Variants in PPP2R1B observed in about 807,000 individuals in gnomAD.
The protein encoded by PPP2R1B is serine/threonine-protein phosphatase 2A 65 kDa regulatory subunit A beta isoform.
In PPP2R1B, 58 loss-of-function variants were observed where a neutral mutation model predicts 72.7. That is an observed-to-expected ratio of 0.80 (90% CI 0.65 to 0.99). The LOEUF is 0.99. Among genes scored for constraint, PPP2R1B ranks in the 50% least tolerant of loss-of-function variants. The pLI, the probability that PPP2R1B is intolerant of heterozygous loss-of-function variation, is 0.00. For missense variants in PPP2R1B, 695 were observed against 733.6 expected, an observed-to-expected ratio of 0.95 and a Z score of 0.61; for synonymous variants, 256 against 264.6, an observed-to-expected ratio of 0.97 and a Z score of 0.32.
At chr11:111,716,202 A>T in the PPP2R1B span, among the ~76,000 whole-genome samples, 1 of 152,226 alleles carries the variant, frequency 6.6e-6, no homozygotes, top group African/African-American at 2.4e-5. Context: ...GACCCTGAAA[A>T]TGCAGACACA....
intron 5 of PPP2R1B, among the ~76,000 whole-genome samples, chr11:111,757,645 C>T (rs1336874357): frequency 1.3e-5 from 2 of 151,848 alleles, no homozygotes; most frequent in Non-Finnish European, 2.9e-5. Context: ...ACCAGCCTAC[C>T]CAACACAGTG....
In PPP2R1B at chr11:111,743,524, G is replaced by C; in HGVS notation, c.1406C>G (p.Ala469Gly). 3 of 1,612,354 alleles carry C rather than the reference G, an allele frequency of 1.9e-6. No individual in the cohort carries two copies. Among genetic ancestry groups the C allele is most frequent in the Non-Finnish European group, 2.5e-6 (3 of 1,179,600 alleles). ...GTTGTTGGTGGCAGCTTCTCGGATGGCGTATACTGCAGAAGAGGTCAAAAA... is the reference window on the plus strand; with the variant it reads ...GTTGTTGGTGGCAGCTTCTCGGATGCCGTATACTGCAGAAGAGGTCAAAAA... ...CMAWLVDHVY[A>G]IREAATNNLM... Residue 469 changes from alanine (A) to glycine (G), a missense_variant, in exon 12 of 15, where the codon GCC becomes GGC. Coordinates refer to ENST00000527614, the MANE Select transcript of PPP2R1B (RefSeq NM_002716.5).
At position 111,765,397 on chromosome 11, in the gene PPP2R1B, A is replaced by C; in HGVS notation, c.115-13T>G. 1 of 1,585,886 alleles carries C rather than the reference A, an allele frequency of 6.3e-7. No homozygotes were observed. Among genetic ancestry groups the C allele is most frequent in the Middle Eastern group, 1.7e-4 (1 of 5,996 alleles). ...TGTTGAGTCGGAGCTTCAGAAAAGA[A>C]AGTAGAAAGAAGAACAATGTAAAGA... On this transcript the variant is annotated splice_polypyrimidine_tract_variant and intron_variant, in intron 1 of 14. Coordinates refer to ENST00000527614, the MANE Select transcript of PPP2R1B (RefSeq NM_002716.5).
chr11:111,719,340 A>T, the PPP2R1B span, among the ~76,000 whole-genome samples: 8,166 of 145,516 alleles, frequency 0.056, 767 homozygotes, highest in African/African-American at 0.19. Flanking sequence ...AAATAGAAGA[A>T]TCTTGGTGAC....
At chr11:111,690,539 C>T in the PPP2R1B span, among the ~76,000 whole-genome samples, 2 of 151,794 alleles carry the variant, frequency 1.3e-5, no homozygotes, top group African/African-American at 2.4e-5. Context: ...GTTTGTTGCA[C>T]CTATCAACTC....
chr11:111,755,358 A>C lies in PPP2R1B; in HGVS notation c.780T>G (p.Leu260=). 1.2e-6 allele frequency: 2 copies of C among 1,613,842 alleles called. No homozygotes were observed. Among genetic ancestry groups the C allele is most frequent in the Non-Finnish European group, 1.7e-6 (2 of 1,179,966 alleles). The change falls in exon 6 of 15, where the codon CTT becomes CTG. Residue 260 remains leucine (L), a synonymous_variant. Coordinates refer to ENST00000527614, the MANE Select transcript of PPP2R1B (RefSeq NM_002716.5). ...DDLETLVMPT[L]RQAAEDKSWR... ...AAGATTTATCTTCTGCTGCTTGTCG[A>C]AGTGTAGGCATCACCAAAGTCTCAA...
chr11:111,755,601 T>TC (rs1253611233), intron 5 of PPP2R1B, 151 bp from the exon 6 acceptor site: 29 of 756,076 alleles, frequency 3.8e-5, no homozygotes, highest in Non-Finnish European at 4.8e-5. Context: ...TTTTTTTTTT[T>TC]TTTTTTGAGG....
At chr11:111,754,030 C>A (rs1945010834) in intron 8 of PPP2R1B, among the ~76,000 whole-genome samples, 1 of 152,048 alleles carries the variant, frequency 6.6e-6, no homozygotes, top group Admixed American at 6.6e-5. Context: ...AATCCTCCCA[C>A]CTCAGACTCC....
At chr11:111,712,521 A>G in the PPP2R1B span, 3 of 817,896 alleles carry the variant, frequency 3.7e-6, no homozygotes, top group Non-Finnish European at 3.7e-6. Context: ...AAACCTTAGA[A>G]CAGTGTCCAG....
chr11:111,692,413 A>G, the PPP2R1B span, among the ~76,000 whole-genome samples: 4 of 143,034 alleles, frequency 2.8e-5, no homozygotes, highest in Non-Finnish European at 4.6e-5. Context: ...AGGGAGAGAG[A>G]GAGATAGAGA....
the PPP2R1B span, chr11:111,688,098 T>C: frequency 6.2e-7 from 1 of 1,614,022 alleles, no homozygotes; most frequent in Non-Finnish European, 8.5e-7. The surrounding 1 kb of genome is among the most constrained non-coding windows in gnomAD (Gnocchi z 4.2). Flanking sequence ...GTCGGAAGAT[T>C]GTGCACCGTG....
At chr11:111,709,240 G>A in the PPP2R1B span, among the ~76,000 whole-genome samples, 12 of 152,204 alleles carry the variant, frequency 7.9e-5, no homozygotes, top group East Asian at 2.3e-3. Context: ...AAGATCTCTG[G>A]TGTCTCTCCC....
At chr11:111,758,753 G>A (rs969164051) in intron 5 of PPP2R1B, among the ~76,000 whole-genome samples, 1 of 152,172 alleles carries the variant, frequency 6.6e-6, no homozygotes, top group Admixed American at 6.5e-5. Context: ...GATAGTGGCT[G>A]TCAAAGTGAT....
chr11:111,752,274 C>A lies in PPP2R1B; in HGVS notation c.1223G>T (p.Gly408Val), dbSNP rs1555048213. 9 of 1,613,930 alleles carry A rather than the reference C, an allele frequency of 5.6e-6. No homozygotes were observed. The highest frequency in any genetic ancestry group is 2.2e-5 in the South Asian group (2 of 91,074). Residue 408 changes from glycine to valine, a missense_variant, in exon 10 of 15, where the codon GGA becomes GTA. By Grantham distance (109) the Gly-to-Val change is moderately radical (BLOSUM62 -3). Coordinates refer to ENST00000527614, the MANE Select transcript of PPP2R1B (RefSeq NM_002716.5). ...SNLDCVNEVIGIRQLSQSLLP... is the reference protein window; with the variant it reads ...SNLDCVNEVIVIRQLSQSLLP... ...GAGAGACTGAGAGAGCTGACGGATT[C>A]CAATCACTTCATTTACACAATCCAA...
chr11:111,761,723 C>T (rs1555051525), intron 3 of PPP2R1B, among the ~76,000 whole-genome samples: 1 of 152,168 alleles, frequency 6.6e-6, no homozygotes, highest in East Asian at 1.9e-4. Flanking sequence ...CGTCGGGAGG[C>T]CGAGGTGGGC....
chr11:111,766,036 G>C (rs1176059615), intron 1 of PPP2R1B: 6 of 600,386 alleles, frequency 1.0e-5, no homozygotes, highest in African/African-American at 1.9e-5. Context: ...CGCCTCAGGG[G>C]GTCCGAAGCA....
chr11:111,736,328 T>A (rs1944340452), downstream of PPP2R1B, among the ~76,000 whole-genome samples: 1 of 152,074 alleles, frequency 6.6e-6, no homozygotes, highest in South Asian at 2.1e-4. Flanking sequence ...TCAGATCGGG[T>A]CATACCACGC....
In PPP2R1B at chr11:111,739,437, C is replaced by A. The variant is rs1158352504; in HGVS notation, c.*2159G>T. The A allele has an allele frequency of 2.0e-6, 2 of 985,194 alleles. No individual in the cohort carries two copies. The highest frequency in any genetic ancestry group is 1.1e-4 in the East Asian group (1 of 8,832). 61.0% of individuals were successfully genotyped at this position (985,194 alleles called of 1,614,324 possible). ...CCTCTGAAGAGTACCAAAACAAATTCTCTCTCTATTGCTTAAGTCAGAAGG... is the reference window on the plus strand; with the variant it reads ...CCTCTGAAGAGTACCAAAACAAATTATCTCTCTATTGCTTAAGTCAGAAGG... On this transcript the variant is annotated 3_prime_UTR_variant, in exon 15 of 15. Transcript: ENST00000527614.
At chr11:111,746,021 C>T (rs1023431726) in intron 11 of PPP2R1B, among the ~76,000 whole-genome samples, 15 of 152,176 alleles carry the variant, frequency 9.9e-5, no homozygotes, top group Admixed American at 9.8e-4. Context: ...AAGGGTTTCT[C>T]CTGCTCCCAA....
Sources: gnomAD v4.1 joint callset for allele counts (sites outside exome capture counted in the v4.1 genomes callset) on GRCh38, gnomAD v4.1.1 for gene constraint, Gnocchi (gnomAD v3.1) non-coding constraint, MANE v1.5 for transcripts, NCBI Gene and HGNC (gene_info 2026-07-23, HGNC 2026-07-21) for gene names.